Variants in SNX2 observed in about 807,000 individuals in gnomAD.
SNX2 encodes sorting nexin-2.
A neutral mutation model predicts 69.9 loss-of-function variants in SNX2; 25 were observed. That is an observed-to-expected ratio of 0.36 (90% CI 0.26 to 0.50). SNX2 has a LOEUF of 0.50. Ranked by LOEUF, SNX2 falls within the 20% of genes least tolerant of loss-of-function variation. The probability of loss-of-function intolerance (pLI) is 0.97; values close to 1 mark genes in which losing one functional copy is unlikely to be tolerated. For synonymous variants in SNX2, 229 were observed against 200.4 expected (o/e 1.14, Z -1.20); for missense variants, 551 against 613.3 (o/e 0.90, Z 1.07).
rs373230987 is a variant in SNX2, at chr5:122,812,809, G to C, written c.723-3087G>C. On this transcript the variant is annotated intron_variant, in intron 7 of 14. Transcript: ENST00000379516. ...GTAAGTATTTGCTGAATGAACAAGT[G>C]AATGTTATCCAAGACCCAGGCTCTT... 4.9e-4 allele frequency among the ~76,000 whole-genome samples: 75 copies of C among 152,260 alleles called. No homozygotes were observed. In the Middle Eastern group the frequency reaches 0.01, roughly 21 times the overall value.
chr5:122,803,665 T>A (rs1753564841), intron 6 of SNX2, 52 bp downstream of exon 6: 2 of 1,394,142 alleles, frequency 1.4e-6, no homozygotes, highest in Non-Finnish European at 2.0e-6. Context: ...CTAGTTCAGT[T>A]TTAACTGTAT....
At chr5:122,806,142 G>GCACACACACACACACACACACACA (rs139834252) in intron 6 of SNX2, among the ~76,000 whole-genome samples, 34 of 130,636 alleles carry the variant, frequency 2.6e-4, no homozygotes, top group South Asian at 7.0e-4. Context: ...ACACGCGCGC[G>GCACACACACACACACACACACACA]CACACACACA....
chr5:122,785,372 T>A (rs1209620528), intron 1 of SNX2, among the ~76,000 whole-genome samples: 1 of 151,968 alleles, frequency 6.6e-6, no homozygotes, highest in Non-Finnish European at 1.5e-5. Flanking sequence ...GCTCTTGAAC[T>A]CCTGGCCCCA....
At chr5:122,793,575 A>G (rs1753294074) in intron 1 of SNX2, among the ~76,000 whole-genome samples, 1 of 152,196 alleles carries the variant, frequency 6.6e-6, no homozygotes, top group South Asian at 2.1e-4. Context: ...TTTGATATAT[A>G]CAGTTTTTTT....
At chr5:122,811,559 C>T (rs973403432) in intron 7 of SNX2, among the ~76,000 whole-genome samples, 5 of 152,062 alleles carry the variant, frequency 3.3e-5, no homozygotes, top group Admixed American at 6.6e-5. Context: ...AGGCTGGGCG[C>T]GGTGGCTCAC....
At chr5:122,802,378 G>A (rs138912068) in intron 5 of SNX2, among the ~76,000 whole-genome samples, 5 of 152,086 alleles carry the variant, frequency 3.3e-5, no homozygotes, top group African/African-American at 1.2e-4. Flanking sequence ...TGGGGAGGAG[G>A]GGGGGAAGAA....
At chr5:122,778,669 C>A (rs1266808302) in intron 1 of SNX2, among the ~76,000 whole-genome samples, 1 of 152,014 alleles carries the variant, frequency 6.6e-6, no homozygotes, top group Non-Finnish European at 1.5e-5. Context: ...CCACCATGCC[C>A]TATTTTTTGA....
At chr5:122,787,302 T>C (rs1419879698) in intron 1 of SNX2, among the ~76,000 whole-genome samples, 2 of 152,084 alleles carry the variant, frequency 1.3e-5, no homozygotes, top group Non-Finnish European at 2.9e-5. Flanking sequence ...GGTGGATCAC[T>C]TGAGGTCAGG....
In SNX2 at chr5:122,790,153, CTG is replaced by C. The variant is rs1491571564; in HGVS notation, c.109-5111_109-5110del. Reference sequence around the variant, plus strand: ...TTTCTTTTTCTCAAAGAGTCTTACTCTGTTGCCCAGGTTGGAGTGCAGTGGTG... The same window carrying C: ...TTTCTTTTTCTCAAAGAGTCTTACTCTTGCCCAGGTTGGAGTGCAGTGGTG... On this transcript the variant is annotated intron_variant, in intron 1 of 14. Transcript: ENST00000379516. Among the ~76,000 whole-genome samples the C allele has an allele frequency of 3.3e-5, 5 of 152,088 alleles. No individual in the cohort carries two copies. The East Asian group carries it at 7.7e-4, about 24-fold the overall frequency.
intron 1 of SNX2, among the ~76,000 whole-genome samples, chr5:122,783,171 T>C (rs1400044308): frequency 6.6e-6 from 1 of 151,872 alleles, no homozygotes; most frequent in Non-Finnish European, 1.5e-5. Flanking sequence ...GGTCTCGATC[T>C]CTTGACCTCG....
chr5:122,830,382 A>C lies in SNX2; in HGVS notation c.*734A>C, dbSNP rs181177299. Among the ~76,000 whole-genome samples the C allele has an allele frequency of 3.6e-3, 541 of 152,318 alleles. 1 individual carries two copies. Among genetic ancestry groups the C allele is most frequent in the South Asian group, 0.012 (59 of 4,828 alleles). On this transcript the variant is annotated 3_prime_UTR_variant, in exon 15 of 15. Transcript: ENST00000379516. ...TTAACCATCTCTATTACAAGTGCCC[A>C]ATTTAAGAATTAGGAAAAAAATGTA...
intron 1 of SNX2, among the ~76,000 whole-genome samples, chr5:122,776,739 CCCT>C (rs1328432501): frequency 1.3e-5 from 2 of 152,188 alleles, no homozygotes. Context: ...ACTTGATTGA[CCCT>C]AGTGTGAACT....
At chr5:122,792,880 C>T (rs1266518448) in intron 1 of SNX2, among the ~76,000 whole-genome samples, 1 of 152,106 alleles carries the variant, frequency 6.6e-6, no homozygotes, top group Non-Finnish European at 1.5e-5. Flanking sequence ...AAAAATTGCT[C>T]ACCATCATTA....
chr5:122,784,849 A>C (rs1753047842), intron 1 of SNX2, among the ~76,000 whole-genome samples: 1 of 152,198 alleles, frequency 6.6e-6, no homozygotes, highest in African/African-American at 2.4e-5. Context: ...TTACTAATGA[A>C]GTCATCTGAA....
chr5:122,787,655 C>CA, intron 1 of SNX2, among the ~76,000 whole-genome samples: 1 of 152,202 alleles, frequency 6.6e-6, no homozygotes, highest in Non-Finnish European at 1.5e-5. Context: ...GACTGCTCCC[C>CA]AGCAGCCTCT....
intron 7 of SNX2, among the ~76,000 whole-genome samples, chr5:122,811,160 G>A (rs1279873111): frequency 1.3e-5 from 2 of 152,078 alleles, no homozygotes; most frequent in African/African-American, 4.8e-5. Flanking sequence ...TTACGTATTC[G>A]TTCAAACTTA....
intron 1 of SNX2, among the ~76,000 whole-genome samples, chr5:122,788,906 A>T (rs1753148870): frequency 1.3e-5 from 2 of 152,106 alleles, no homozygotes; most frequent in South Asian, 4.1e-4. Context: ...CATCTGGGTT[A>T]TTTCTAGGTT....
At chr5:122,827,208 C>T (rs898602370) in intron 12 of SNX2, 171 bp from the exon 13 acceptor site, 7 of 588,406 alleles carry the variant, frequency 1.2e-5, no homozygotes, top group Non-Finnish European at 2.1e-5. Flanking sequence ...AGCTAACATG[C>T]ATTTCTATTG....
Position 122,834,292 on chromosome 5 carries a change from C to G in SNX2, c.*4644C>G, listed in dbSNP as rs553141538. The G allele has an allele frequency of 1.3e-5, 2 of 152,118 alleles. No homozygotes were observed. The highest frequency in any genetic ancestry group is 2.9e-5 in the Non-Finnish European group (2 of 68,008). 9.4% of individuals were successfully genotyped at this position (152,118 alleles called of 1,614,324 possible). A position where few individuals can be genotyped will look rare whatever the true frequency, so the allele number is the denominator to read the frequency against. ...AATGCACATGAAGTAATTTAAAATG[C>G]TCTTCTTCCTTTCTTGTCACATACT... On this transcript the variant is annotated 3_prime_UTR_variant, in exon 15 of 15. Coordinates refer to ENST00000379516, the MANE Select transcript of SNX2 (RefSeq NM_003100.4).
Sources: gnomAD v4.1 joint callset for allele counts (sites outside exome capture counted in the v4.1 genomes callset) on GRCh38, gnomAD v4.1.1 for gene constraint, MANE v1.5 for transcripts, NCBI Gene and HGNC (gene_info 2026-07-23, HGNC 2026-07-21) for gene names.